NKAIN2: variants seen among roughly 807,000 people sequenced by gnomAD.
NKAIN2 encodes the protein sodium/potassium transporting ATPase interacting 2.
A neutral mutation model predicts 32.6 loss-of-function variants in NKAIN2; 14 were observed. The ratio of observed to expected loss-of-function variants is 0.43; its 90% CI spans 0.28 to 0.67. The LOEUF (loss-of-function observed/expected upper bound fraction) is 0.67. Ranked by LOEUF, NKAIN2 falls within the 30% of genes least tolerant of loss-of-function variation. NKAIN2 has a pLI of 0.17. For synonymous variants in NKAIN2, 80 were observed against 87.2 expected (o/e 0.92, Z 0.46); for missense variants, 198 against 258.3 (o/e 0.77, Z 1.60).
rs571109033 is a variant in NKAIN2 at position 124,636,771 on chromosome 6, A to G, written c.274-21415A>G. 3.3e-5 allele frequency among the ~76,000 whole-genome samples: 5 copies of G among 152,184 alleles called. No individual in the cohort carries two copies. In the East Asian group the frequency reaches 9.6e-4, roughly 29 times the overall value. ...CGATTGATCAATAATAAAGTCACCC[A>G]ACAAAGTAAAGCCAGGCTTCACTGC... On this transcript the variant is annotated intron_variant, in intron 3 of 6. Coordinates refer to ENST00000368417, the MANE Select transcript of NKAIN2 (RefSeq NM_001040214.3).
intron 4 of NKAIN2, among the ~76,000 whole-genome samples, chr6:124,738,521 G>A (rs1452206550): frequency 1.3e-5 from 2 of 151,656 alleles, no homozygotes; most frequent in Non-Finnish European, 1.5e-5. Context: ...TTATTGCTAT[G>A]CTATTTAACA....
At chr6:124,278,650 C>CATTATAT (rs1317788062) in intron 1 of NKAIN2, among the ~76,000 whole-genome samples, 12 of 68,992 alleles carry the variant, frequency 1.7e-4, no homozygotes, top group African/African-American at 3.2e-4. Context: ...ATACATAGCT[C>CATTATAT]ATATATATAT....
intron 4 of NKAIN2, among the ~76,000 whole-genome samples, chr6:124,692,673 G>A (rs746825797): frequency 7.2e-5 from 11 of 151,996 alleles, no homozygotes; most frequent in South Asian, 4.2e-4. Context: ...AAAATTAGCC[G>A]GGCATGGTGG....
intron 2 of NKAIN2, among the ~76,000 whole-genome samples, chr6:124,334,249 T>C (rs1244766706): frequency 6.6e-6 from 1 of 152,228 alleles, no homozygotes; most frequent in Admixed American, 6.5e-5. Flanking sequence ...AATACCAGTA[T>C]ACTAATGTAA....
chr6:123,919,633 TG>T (rs1194018660), intron 1 of NKAIN2, among the ~76,000 whole-genome samples: 1 of 152,082 alleles, frequency 6.6e-6, no homozygotes, highest in Non-Finnish European at 1.5e-5. Context: ...GAAACCTACA[TG>T]GTGTGTTATC....
chr6:124,002,516 G>A (rs553630149), intron 1 of NKAIN2, among the ~76,000 whole-genome samples: 4 of 151,318 alleles, frequency 2.6e-5, no homozygotes, highest in Admixed American at 6.6e-5. Flanking sequence ...TGTCTCCTTG[G>A]GTATTATCCT....
chr6:124,170,530 G>C (rs1172376055), intron 1 of NKAIN2, among the ~76,000 whole-genome samples: 2 of 152,178 alleles, frequency 1.3e-5, no homozygotes, highest in Non-Finnish European at 2.9e-5. Flanking sequence ...GACAATGAAA[G>C]TGTGCTGTAA....
chr6:124,402,702 C>T (rs9482546), intron 3 of NKAIN2, among the ~76,000 whole-genome samples: 14,851 of 152,132 alleles, frequency 0.098, 1,356 homozygotes, highest in African/African-American at 0.25. Flanking sequence ...AACGCCGGAA[C>T]AGAAAAGCAC....
intron 3 of NKAIN2, among the ~76,000 whole-genome samples, chr6:124,655,969 G>C (rs1250036509): frequency 1.3e-5 from 2 of 151,996 alleles, no homozygotes; most frequent in Admixed American, 1.3e-4. Context: ...GAACTGGATT[G>C]TGTTCTTGCT....
intron 1 of NKAIN2, among the ~76,000 whole-genome samples, chr6:123,971,189 G>T (rs1187804828): frequency 6.6e-6 from 1 of 152,068 alleles, no homozygotes; most frequent in Non-Finnish European, 1.5e-5. Context: ...AGCAGGATCA[G>T]AGAGTACTCA....
chr6:123,891,954 A>G (rs1001770724), intron 1 of NKAIN2, among the ~76,000 whole-genome samples: 17 of 152,178 alleles, frequency 1.1e-4, no homozygotes, highest in Non-Finnish European at 2.9e-5. Flanking sequence ...CCTAAAACCT[A>G]GTTATGCTTT....
intron 3 of NKAIN2, among the ~76,000 whole-genome samples, chr6:124,607,855 C>T (rs927161601): frequency 4.0e-5 from 6 of 151,860 alleles, no homozygotes; most frequent in African/African-American, 9.7e-5. Flanking sequence ...TATAGTATTC[C>T]GTAAATTATA....
intron 4 of NKAIN2, among the ~76,000 whole-genome samples, chr6:124,706,843 A>AT (rs775996633): frequency 0.017 from 2,478 of 149,758 alleles, 24 homozygotes; most frequent in Middle Eastern, 0.028. Context: ...AGTTGGTTTT[A>AT]TTTTTTTTTT....
intron 3 of NKAIN2, among the ~76,000 whole-genome samples, chr6:124,611,497 T>G (rs906774805): frequency 1.3e-5 from 2 of 152,076 alleles, no homozygotes; most frequent in African/African-American, 4.8e-5. Flanking sequence ...CTGCATGCAT[T>G]AAGTATTTGT....
At chr6:124,482,467 A>G (rs892078654) in intron 3 of NKAIN2, among the ~76,000 whole-genome samples, 2 of 152,182 alleles carry the variant, frequency 1.3e-5, no homozygotes, top group African/African-American at 4.8e-5. Flanking sequence ...CACAAAAGTC[A>G]TGCCTCTCCA....
intron 1 of NKAIN2, among the ~76,000 whole-genome samples, chr6:124,192,310 TGAAA>T (rs1473345704): frequency 6.6e-5 from 10 of 152,322 alleles, no homozygotes; most frequent in Admixed American, 6.5e-4. Context: ...TCATTTCATT[TGAAA>T]GAGTTTCTAA....
intron 1 of NKAIN2, among the ~76,000 whole-genome samples, chr6:124,180,774 CT>C (rs564898362): frequency 2.6e-5 from 4 of 152,186 alleles, no homozygotes; most frequent in Non-Finnish European, 5.9e-5. Flanking sequence ...AGCTCTGCCC[CT>C]GTGGCTTCGC....
intron 3 of NKAIN2, among the ~76,000 whole-genome samples, chr6:124,479,723 G>T (rs542616290): frequency 6.6e-6 from 1 of 152,094 alleles, no homozygotes; most frequent in South Asian, 2.1e-4. Context: ...TTGTTTAAAA[G>T]CCTATAGTCG....
At chr6:124,017,618 G>A (rs1307287331) in intron 1 of NKAIN2, among the ~76,000 whole-genome samples, 11 of 152,040 alleles carry the variant, frequency 7.2e-5, no homozygotes, top group Non-Finnish European at 1.6e-4. Flanking sequence ...GGGGGTATAG[G>A]CCCCTGCAAG....
Sources: allele counts gnomAD v4.1 joint callset (sites outside exome capture counted in the v4.1 genomes callset), GRCh38; gene constraint gnomAD v4.1.1; transcripts MANE v1.5; gene names NCBI Gene and HGNC (gene_info 2026-07-23, HGNC 2026-07-21).